Variants in GADL1 observed in about 807,000 individuals in gnomAD.
GADL1 encodes acidic amino acid decarboxylase GADL1.
In GADL1, 71 loss-of-function variants were observed where a neutral mutation model predicts 69.5. That is an observed-to-expected ratio of 1.02 (90% confidence interval 0.84 to 1.25). The LOEUF is 1.25. Among genes scored for constraint, GADL1 ranks in the 50% most tolerant of loss-of-function variants. The pLI is 0.00. For missense variants in GADL1, 737 were observed against 631.8 expected (o/e 1.17, Z -1.79); for synonymous variants, 254 against 214.4 (o/e 1.18, Z -1.62).
intron 8 of GADL1, among the ~76,000 whole-genome samples, chr3:30,843,545 C>A (rs78408003): frequency 6.6e-6 from 1 of 152,152 alleles, no homozygotes; most frequent in East Asian, 1.9e-4. Context: ...CGTGAGCCAC[C>A]GCGCCCGGCC....
At chr3:30,819,133 G>A (rs1333212388) in intron 11 of GADL1, among the ~76,000 whole-genome samples, 2 of 151,860 alleles carry the variant, frequency 1.3e-5, no homozygotes, top group African/African-American at 4.8e-5. Context: ...CCTAGAATTC[G>A]AGCTGAGAGG....
At chr3:30,821,396 G>A (rs1286445106) in intron 11 of GADL1, among the ~76,000 whole-genome samples, 1 of 152,006 alleles carries the variant, frequency 6.6e-6, no homozygotes, top group African/African-American at 2.4e-5. Context: ...TATAATGTGT[G>A]TCTTTTTTTT....
In GADL1 at chr3:30,743,358, G is replaced by A. The variant is rs143939058; in HGVS notation, c.1393-14943C>T. Among the ~76,000 whole-genome samples, 118 of 152,330 alleles carry A rather than the reference G, an allele frequency of 7.7e-4. 1 individual carries two copies. The East Asian group carries it at 0.023, about 29-fold the overall frequency. On this transcript the variant is annotated intron_variant, in intron 14 of 14. Coordinates refer to ENST00000282538, the MANE Select transcript of GADL1 (RefSeq NM_207359.3). ...TTATAACTCCAGCAAATAGGAAGCAGAGATGTGGAGTGAGTGAAGGAGATA... is the reference window on the plus strand; with the variant it reads ...TTATAACTCCAGCAAATAGGAAGCAAAGATGTGGAGTGAGTGAAGGAGATA...
In GADL1 at chr3:30,756,054, G is replaced by GGCT. The variant is rs1254453038; in HGVS notation, c.1392+22122_1392+22124dup. Among the ~76,000 whole-genome samples, 9 of 152,186 alleles carry GGCT rather than the reference G, an allele frequency of 5.9e-5. No homozygotes were observed. In the East Asian group the frequency reaches 9.7e-4, roughly 16 times the overall value. The stretch of plus-strand genomic sequence containing the variant: ...CCTTGGGACTGTGCAGGAGACCTAG[G>GGCT]GCTGTGCAGGAGGAGTTTCACAAAT... On this transcript the variant is annotated intron_variant, in intron 14 of 14. Coordinates refer to ENST00000282538, the MANE Select transcript of GADL1 (RefSeq NM_207359.3).
chr3:30,734,887 G>A (rs370476455), intron 14 of GADL1, among the ~76,000 whole-genome samples: 1 of 152,126 alleles, frequency 6.6e-6, no homozygotes, highest in Admixed American at 6.6e-5. Context: ...CATTAAGGAA[G>A]AAACCAGTAC....
At chr3:30,776,979 C>T (rs1341521020) in intron 14 of GADL1, among the ~76,000 whole-genome samples, 2 of 152,208 alleles carry the variant, frequency 1.3e-5, no homozygotes, top group African/African-American at 4.8e-5. Flanking sequence ...TCTAGTATCA[C>T]ACATTGGGGT....
chr3:30,733,400 T>C (rs1695494055), intron 14 of GADL1, among the ~76,000 whole-genome samples: 1 of 152,130 alleles, frequency 6.6e-6, no homozygotes, highest in African/African-American at 2.4e-5. Flanking sequence ...GTAATCTGGG[T>C]TCCCAATGTG....
chr3:30,876,667 C>A (rs73065043), intron 1 of GADL1, among the ~76,000 whole-genome samples: 247 of 147,834 alleles, frequency 1.7e-3, no homozygotes, highest in South Asian at 3.4e-3. Context: ...TGCCTGCAGC[C>A]TATTTTGGTC....
chr3:30,858,040 T>C (rs562372611), intron 2 of GADL1, among the ~76,000 whole-genome samples: 1 of 152,170 alleles, frequency 6.6e-6, no homozygotes, highest in African/African-American at 2.4e-5. Context: ...CCATTACCTC[T>C]ATCAATCCCC....
rs191017931 is a variant in GADL1, at chr3:30,753,985, G to T, written c.1392+24194C>A. The stretch of plus-strand genomic sequence containing the variant: ...ACGCTAAAAGCCATGGCCACCTACG[G>T]ATTTTCCCAAGGAGGACTGAGGTGG... On this transcript the variant is annotated intron_variant, in intron 14 of 14. Transcript: ENST00000282538. 4.9e-3 allele frequency among the ~76,000 whole-genome samples: 749 copies of T among 152,226 alleles called. 4 individuals are homozygous for T. The highest frequency in any genetic ancestry group is 8.2e-3 in the Non-Finnish European group (559 of 68,006).
At chr3:30,738,196 T>A (rs1695564833) in intron 14 of GADL1, among the ~76,000 whole-genome samples, 1 of 152,206 alleles carries the variant, frequency 6.6e-6, no homozygotes, top group South Asian at 2.1e-4. Flanking sequence ...ATCCCTGTAC[T>A]GCTCCCTAAA....
intron 14 of GADL1, among the ~76,000 whole-genome samples, chr3:30,767,186 T>C (rs1575194077): frequency 2.0e-5 from 3 of 152,308 alleles, no homozygotes; most frequent in Admixed American, 2.0e-4. Context: ...TTCATGGTCA[T>C]GCAGCCAGTG....
chr3:30,816,958 T>C (rs1697487910), intron 11 of GADL1, among the ~76,000 whole-genome samples: 1 of 152,164 alleles, frequency 6.6e-6, no homozygotes, highest in South Asian at 2.1e-4. Context: ...ATCACTTATA[T>C]AGTCCCCAAG....
At chr3:30,824,697 C>G (rs1435173357) in intron 11 of GADL1, among the ~76,000 whole-genome samples, 1 of 150,680 alleles carries the variant, frequency 6.6e-6, no homozygotes, top group African/African-American at 2.5e-5. Flanking sequence ...AAAATACATA[C>G]TATATGATTC....
intron 14 of GADL1, among the ~76,000 whole-genome samples, chr3:30,741,234 G>A (rs1695622215): frequency 7.1e-6 from 1 of 140,950 alleles, no homozygotes; most frequent in African/African-American, 2.7e-5. Flanking sequence ...CAACACTGTG[G>A]TGTTATACTT....
intron 14 of GADL1, among the ~76,000 whole-genome samples, chr3:30,751,959 A>AT (rs968117565): frequency 7.2e-5 from 11 of 151,816 alleles, no homozygotes; most frequent in Non-Finnish European, 1.3e-4. Context: ...TGAAGATGAA[A>AT]AGAACAACAG....
At chr3:30,733,624 C>CCTTCCTTCCTTT (rs2125469600) in intron 14 of GADL1, among the ~76,000 whole-genome samples, 1 of 151,172 alleles carries the variant, frequency 6.6e-6, no homozygotes, top group African/African-American at 2.4e-5. Flanking sequence ...TTCCTTCCTT[C>CCTTCCTTCCTTT]CTTCCTTCCT....
At chr3:30,805,415 A>G (rs1392897112) in intron 11 of GADL1, among the ~76,000 whole-genome samples, 1 of 152,034 alleles carries the variant, frequency 6.6e-6, no homozygotes, top group Non-Finnish European at 1.5e-5. Context: ...GAGAACACTG[A>G]GCTAGAGGTC....
At chr3:30,867,985 C>T (rs1698428298) in intron 1 of GADL1, among the ~76,000 whole-genome samples, 1 of 152,014 alleles carries the variant, frequency 6.6e-6, no homozygotes, top group Non-Finnish European at 1.5e-5. Context: ...TGAACATATG[C>T]ACTAATAAAT....
Sources: allele counts gnomAD v4.1 joint callset (sites outside exome capture counted in the v4.1 genomes callset), GRCh38; gene constraint gnomAD v4.1.1; transcripts MANE v1.5; gene names NCBI Gene and HGNC (gene_info 2026-07-23, HGNC 2026-07-21).